CNTN4: variants seen among roughly 807,000 people sequenced by gnomAD.
CNTN4 encodes the protein contactin 4.
A neutral mutation model predicts 122.5 loss-of-function variants in CNTN4; 77 were observed. The ratio of observed to expected loss-of-function variants is 0.63; its 90% CI spans 0.52 to 0.76. The LOEUF is 0.76. Among genes scored for constraint, CNTN4 ranks in the 30% least tolerant of loss-of-function variants. CNTN4 has a pLI of 0.00. For synonymous variants in CNTN4, 512 were observed against 447.0 expected (o/e 1.15, Z -1.83); for missense variants, 1,256 against 1,259.1 (o/e 1.00, Z 0.04).
chr3:2,803,776 G>A (rs974656112), intron 6 of CNTN4, among the ~76,000 whole-genome samples: 3 of 151,942 alleles, frequency 2.0e-5, no homozygotes, highest in Non-Finnish European at 4.4e-5. Flanking sequence ...GGCCAGGTTG[G>A]TCTCGAACTC....
chr3:2,828,931 G>A (rs867382126), intron 7 of CNTN4, among the ~76,000 whole-genome samples: 1 of 152,134 alleles, frequency 6.6e-6, no homozygotes, highest in Admixed American at 6.5e-5. Context: ...TAGAGATGGG[G>A]TCTTGTTTTG....
At chr3:2,285,702 G>A (rs534137641) in intron 2 of CNTN4, among the ~76,000 whole-genome samples, 4 of 152,106 alleles carry the variant, frequency 2.6e-5, no homozygotes, top group African/African-American at 9.6e-5. Context: ...ATTCTTACAC[G>A]AAGAGATCAT....
At chr3:2,580,122 G>A (rs1229491341) in intron 4 of CNTN4, among the ~76,000 whole-genome samples, 2 of 152,094 alleles carry the variant, frequency 1.3e-5, no homozygotes, top group African/African-American at 4.8e-5. Flanking sequence ...GTCTGTCTTA[G>A]TACAGGACTA....
At chr3:2,975,028 A>G (rs1693291899) in intron 13 of CNTN4, among the ~76,000 whole-genome samples, 1 of 152,136 alleles carries the variant, frequency 6.6e-6, no homozygotes, top group Non-Finnish European at 1.5e-5. Context: ...ATTGTCTTCC[A>G]GGCATTTTAG....
chr3:2,607,581 A>G (rs1277035814), intron 4 of CNTN4, among the ~76,000 whole-genome samples: 2 of 68,348 alleles, frequency 2.9e-5, no homozygotes, highest in South Asian at 5.2e-4. Context: ...AGAAATACCA[A>G]AATAATACGT....
intron 7 of CNTN4, among the ~76,000 whole-genome samples, chr3:2,825,348 C>T (rs910242345): frequency 7.9e-5 from 12 of 152,070 alleles, no homozygotes; most frequent in Non-Finnish European, 2.9e-5. Context: ...CTCAGCCTAC[C>T]GAGTATCTGG....
chr3:2,537,188 A>G (rs762688565), intron 3 of CNTN4, among the ~76,000 whole-genome samples: 13 of 152,060 alleles, frequency 8.5e-5, no homozygotes, highest in Admixed American at 1.3e-4. Flanking sequence ...TTCATACACT[A>G]TATTTGTACT....
At chr3:2,677,415 T>TATAGAGAGAGATCTATGTATCTATAC (rs1219436444) in intron 4 of CNTN4, among the ~76,000 whole-genome samples, 4 of 151,742 alleles carry the variant, frequency 2.6e-5, no homozygotes, top group Non-Finnish European at 5.9e-5. Flanking sequence ...TATACATAGA[T>TATAGAGAGAGATCTATGTATCTATAC]ATAGAGAGAG....
intron 2 of CNTN4, among the ~76,000 whole-genome samples, chr3:2,222,748 T>G (rs1424819308): frequency 6.6e-6 from 1 of 152,042 alleles, no homozygotes; most frequent in East Asian, 1.9e-4. Context: ...AAATAAGCTA[T>G]CGTTGGCCTT....
In CNTN4 at chr3:2,346,555, A is replaced by G. The variant is rs560449668; in HGVS notation, c.-89+7322A>G. Among the ~76,000 whole-genome samples, 4 of 152,216 alleles carry G rather than the reference A, an allele frequency of 2.6e-5. No homozygotes were observed. The South Asian group carries it at 8.3e-4, about 32-fold the overall frequency. On this transcript the variant is annotated intron_variant, in intron 3 of 24. Transcript: ENST00000418658. The stretch of plus-strand genomic sequence containing the variant: ...AACTCTCTAATTTTTTTGTATCACT[A>G]AATATTTTTCTTTTGCTGTTATTTT...
At chr3:2,820,483 G>A (rs143328394) in intron 7 of CNTN4, among the ~76,000 whole-genome samples, 22 of 152,208 alleles carry the variant, frequency 1.4e-4, no homozygotes, top group East Asian at 5.8e-4. Context: ...TGCAGGTTCC[G>A]TTGTGTAGGC....
At position 2,468,117 on chromosome 3, in the gene CNTN4, T is replaced by C. The variant is rs142118227; in HGVS notation, c.-88-103299T>C. On this transcript the variant is annotated intron_variant, in intron 3 of 24. Transcript: ENST00000418658. ...AGAAACCAGAGCACAAAGAGTCCTA[T>C]TCATAAGACTGAATTTGACATTTAA... Among the ~76,000 whole-genome samples, 37 of 152,320 alleles carry C rather than the reference T, an allele frequency of 2.4e-4. No individual in the cohort carries two copies. In the East Asian group the frequency reaches 6.0e-3, roughly 25 times the overall value.
intron 3 of CNTN4, among the ~76,000 whole-genome samples, chr3:2,522,236 C>CT (rs1272415046): frequency 6.7e-6 from 1 of 150,334 alleles, no homozygotes; most frequent in Non-Finnish European, 1.5e-5. Flanking sequence ...GTACAATATG[C>CT]TTTACTTCCA....
chr3:2,626,845 G>A (rs1044332966), intron 4 of CNTN4, among the ~76,000 whole-genome samples: 1 of 152,198 alleles, frequency 6.6e-6, no homozygotes, highest in African/African-American at 2.4e-5. Flanking sequence ...CGAGGAGGAA[G>A]CAAGCGTCTA....
chr3:2,753,820 C>T (rs1386326517), intron 6 of CNTN4, among the ~76,000 whole-genome samples: 1 of 152,020 alleles, frequency 6.6e-6, no homozygotes, highest in Non-Finnish European at 1.5e-5. Context: ...TTCTTGATGC[C>T]ATCATACTGT....
At chr3:2,191,639 CT>C (rs2037551274) in intron 2 of CNTN4, among the ~76,000 whole-genome samples, 2 of 151,974 alleles carry the variant, frequency 1.3e-5, no homozygotes, top group African/African-American at 4.8e-5. Context: ...CAGGCCCCAA[CT>C]GCCTACAACT....
intron 3 of CNTN4, among the ~76,000 whole-genome samples, chr3:2,375,991 T>G (rs1319351248): frequency 6.6e-6 from 1 of 152,174 alleles, no homozygotes; most frequent in Non-Finnish European, 1.5e-5. Flanking sequence ...TTCTTTCTTC[T>G]CTGACTTTGC....
At chr3:3,042,661 T>C (rs1235075514) in intron 21 of CNTN4, among the ~76,000 whole-genome samples, 2 of 152,194 alleles carry the variant, frequency 1.3e-5, no homozygotes, top group Admixed American at 6.5e-5. Flanking sequence ...ATTTACGGGA[T>C]GGTTGGCAAA....
chr3:2,619,751 T>C (rs1306424699), intron 4 of CNTN4, among the ~76,000 whole-genome samples: 3 of 152,206 alleles, frequency 2.0e-5, no homozygotes, highest in African/African-American at 7.2e-5. Context: ...TTCCTTGAAA[T>C]GTTTTTTGTA....
Sources: allele counts gnomAD v4.1 joint callset (sites outside exome capture counted in the v4.1 genomes callset), GRCh38; gene constraint gnomAD v4.1.1; transcripts MANE v1.5; gene names NCBI Gene and HGNC (gene_info 2026-07-23, HGNC 2026-07-21).